The following SPDL1 variants were observed in gnomAD, a reference collection of about 807,000 sequenced individuals.
SPDL1 encodes protein Spindly.
Under a neutral mutation model 79.5 loss-of-function variants are expected in SPDL1, and 85 were observed. The observed-to-expected ratio is 1.07, with a 90% CI of 0.90 to 1.28. The LOEUF is 1.28. Ranked by LOEUF, SPDL1 falls within the 50% of genes most tolerant of loss-of-function variation. The probability of loss-of-function intolerance (pLI) is 0.00; values close to 1 mark genes in which losing one functional copy is unlikely to be tolerated. For synonymous variants in SPDL1, 269 were observed against 240.3 expected (o/e 1.12, Z -1.10); for missense variants, 703 against 697.8 (o/e 1.01, Z -0.08).
At chr5:169,598,612 A>G in intron 9 of SPDL1, 33 bp downstream of exon 9, 1 of 1,501,424 alleles carries the variant, frequency 6.7e-7, no homozygotes, top group Non-Finnish European at 9.3e-7. Context: ...GGAAAGATGA[A>G]CATGTCACTT....
At chr5:169,598,672 A>G in intron 9 of SPDL1, 93 bp downstream of exon 9, 1 of 1,168,772 alleles carries the variant, frequency 8.6e-7, no homozygotes, top group Non-Finnish European at 1.3e-6. Flanking sequence ...AAATTGCCAA[A>G]GGAAATTTTC....
rs547519675 is a variant in SPDL1, at chr5:169,585,800, T to C, written c.-24+1911T>C. ...TTAAAGACCTTGCTTCCTAATTCAT[T>C]GATAAATTGAAGCAGTTAAAAGGTT... is the stretch of plus-strand genomic sequence containing the variant. On this transcript the variant is annotated intron_variant, in intron 1 of 11. Coordinates refer to ENST00000265295, the MANE Select transcript of SPDL1 (RefSeq NM_017785.5). 1.1e-4 allele frequency among the ~76,000 whole-genome samples: 17 copies of C among 152,378 alleles called. No homozygotes were observed. In the East Asian group the frequency reaches 3.1e-3, roughly 28 times the overall value.
chr5:169,603,843 A>T (rs1012850910), intron 11 of SPDL1, among the ~76,000 whole-genome samples: 6 of 152,146 alleles, frequency 3.9e-5, no homozygotes, highest in African/African-American at 1.4e-4. Context: ...ACAGAGTGAG[A>T]CTCTGTCTCA....
At position 169,601,323 on chromosome 5, in the gene SPDL1, C is replaced by A; in HGVS notation, c.1368C>A (p.Leu456=). 6.2e-7 allele frequency: 1 copy of A among 1,613,534 alleles called. No individual in the cohort carries two copies. Among genetic ancestry groups the A allele is most frequent in the Non-Finnish European group, 8.5e-7 (1 of 1,179,942 alleles). Residue 456 remains leucine (L), a synonymous_variant, in exon 11 of 12, where the codon CTC becomes CTA. Transcript: ENST00000265295. The part of the protein sequence containing the change: ...VPVLKKRREV[L]PVDITTAKDA... The stretch of plus-strand genomic sequence containing the variant: ...TACTGAAAAAGAGGCGTGAGGTGCT[C>A]CCTGTGGATATAACCACCGCTAAAG...
Position 169,598,692 on chromosome 5 carries a change from A to G in SPDL1, c.1136+113A>G, listed in dbSNP as rs1461757307. On this transcript the variant is annotated intron_variant, in intron 9 of 11. Transcript: ENST00000265295. ...GCCAAAGGAAATTTTCCGAAAAGAAAGGTAACAAAAATATCTTTGTGCAGA... is the reference window on the plus strand; with the variant it reads ...GCCAAAGGAAATTTTCCGAAAAGAAGGGTAACAAAAATATCTTTGTGCAGA... 1.6e-5 allele frequency: 17 copies of G among 1,042,502 alleles called. No individual in the cohort carries two copies. In the East Asian group the frequency reaches 3.8e-4, roughly 23 times the overall value. The allele number at this position is 1,042,502 out of a possible 1,614,324, so 64.6% of individuals were successfully genotyped here.
intron 1 of SPDL1, among the ~76,000 whole-genome samples, chr5:169,584,834 A>T (rs1011485445): frequency 6.6e-6 from 1 of 152,114 alleles, no homozygotes; most frequent in African/African-American, 2.4e-5. Flanking sequence ...GAAGTTGTTG[A>T]GAAGATTGAA....
At chr5:169,599,229 T>TA in intron 10 of SPDL1, 70 bp downstream of exon 10, 1 of 1,132,942 alleles carries the variant, frequency 8.8e-7, no homozygotes, top group Non-Finnish European at 1.2e-6. Context: ...ATTATTTTCT[T>TA]ACTGTAGTTT....
intron 5 of SPDL1, 37 bp downstream of exon 5, chr5:169,594,331 A>G (rs751711509): frequency 5.0e-5 from 81 of 1,612,550 alleles, no homozygotes; most frequent in Non-Finnish European, 6.5e-5. Context: ...TTTCCAATTT[A>G]TCATAACTTA....
intron 10 of SPDL1, among the ~76,000 whole-genome samples, chr5:169,600,039 TTACTG>T (rs1755801508): frequency 6.6e-6 from 1 of 152,166 alleles, no homozygotes. Flanking sequence ...AGAGTGAAGT[TTACTG>T]TATGTAAATT....
chr5:169,586,619 C>G (rs1393899772), intron 1 of SPDL1, among the ~76,000 whole-genome samples: 1 of 152,210 alleles, frequency 6.6e-6, no homozygotes, highest in Non-Finnish European at 1.5e-5. Flanking sequence ...GATGGCAATT[C>G]CATTTTACTA....
rs767634018 is a variant in SPDL1 at position 169,601,291 on chromosome 5, G to A, written c.1336G>A (p.Val446Met). The A allele has an allele frequency of 6.8e-6, 11 of 1,606,406 alleles. No homozygotes were observed. Among genetic ancestry groups the A allele is most frequent in the Admixed American group, 1.7e-5 (1 of 57,914 alleles). The change falls in exon 11 of 12, where the codon GTG (valine) becomes ATG (methionine). Residue 446 changes from valine to methionine, a missense_variant. By Grantham distance (21) the Val-to-Met change is conservative. Transcript: ENST00000265295. Reference sequence around the variant, plus strand: ...GTTTTTATTCTCAGAGACAGTTGAAGTGCCTGTACTGAAAAAGAGGCGTGA... The same window carrying A: ...GTTTTTATTCTCAGAGACAGTTGAAATGCCTGTACTGAAAAAGAGGCGTGA... ...LKYEPEETVE[V>M]PVLKKRREVL...
intron 7 of SPDL1, chr5:169,595,684 C>G (rs1051926195): frequency 6.6e-6 from 1 of 152,120 alleles, no homozygotes; most frequent in Non-Finnish European, 1.5e-5. Context: ...AATTTTCTCA[C>G]GTTTACTTTA....
At chr5:169,584,966 C>T (rs182638408) in intron 1 of SPDL1, among the ~76,000 whole-genome samples, 5 of 151,248 alleles carry the variant, frequency 3.3e-5, no homozygotes, top group South Asian at 4.2e-4. Flanking sequence ...GCCGAGATTG[C>T]GCCACTGCAG....
In SPDL1 at chr5:169,604,326, G is replaced by C. The variant is rs1756081422; in HGVS notation, c.*119G>C. On this transcript the variant is annotated 3_prime_UTR_variant, in exon 12 of 12. Transcript: ENST00000265295. Reference sequence around the variant, plus strand: ...TTATTTACTCATTGTGCCAGGACCTGGCATTTTCATGTGCCTTTGACCAAG... The same window carrying C: ...TTATTTACTCATTGTGCCAGGACCTCGCATTTTCATGTGCCTTTGACCAAG... 1 of 1,070,968 alleles carries C rather than the reference G, an allele frequency of 9.3e-7. No individual in the cohort carries two copies. Among genetic ancestry groups the C allele is most frequent in the South Asian group, 2.6e-5 (1 of 38,818 alleles). 66.3% of individuals were successfully genotyped at this position (1,070,968 alleles called of 1,614,324 possible). A position where few individuals can be genotyped will look rare whatever the true frequency, so the allele number is the denominator to read the frequency against.
At chr5:169,591,003 T>C in intron 2 of SPDL1, 45 bp from the exon 3 acceptor site, 1 of 1,500,756 alleles carries the variant, frequency 6.7e-7, no homozygotes, top group Non-Finnish European at 9.2e-7. Context: ...GTAATGGCTT[T>C]AGGCTATTTT....
chr5:169,588,708 C>A, intron 2 of SPDL1, 133 bp downstream of exon 2: 1 of 703,426 alleles, frequency 1.4e-6, no homozygotes, highest in Non-Finnish European at 2.2e-6. Flanking sequence ...TGCCCCGTCC[C>A]TGTTAAAAAA....
chr5:169,599,803 G>A lies in SPDL1; in HGVS notation c.1324+644G>A, dbSNP rs147529776. Among the ~76,000 whole-genome samples, 80 of 152,316 alleles carry A rather than the reference G, an allele frequency of 5.3e-4. 3 individuals are homozygous for A. In the East Asian group the frequency reaches 0.014, roughly 27 times the overall value. On this transcript the variant is annotated intron_variant, in intron 10 of 11. Coordinates refer to ENST00000265295, the MANE Select transcript of SPDL1 (RefSeq NM_017785.5). The stretch of plus-strand genomic sequence containing the variant: ...ATTAAGGAAGAACAGTGAGCCAGGC[G>A]TGGTGGCTCGTGCCTGTAATCCCAG...
intron 4 of SPDL1, 22 bp from the exon 5 acceptor site, chr5:169,594,123 C>CT: frequency 6.3e-7 from 1 of 1,575,514 alleles, no homozygotes; most frequent in South Asian, 1.2e-5. Flanking sequence ...GAATTTCCTC[C>CT]TTTTCAATTC....
chr5:169,594,141 A>G lies in SPDL1; in HGVS notation c.532-4A>G, dbSNP rs754711198. 1 of 1,598,046 alleles carries G rather than the reference A, an allele frequency of 6.3e-7. No homozygotes were observed. Among genetic ancestry groups the G allele is most frequent in the Non-Finnish European group, 8.5e-7 (1 of 1,175,606 alleles). The stretch of plus-strand genomic sequence containing the variant: ...TTTCCTCCTTTTCAATTCCTGTTAA[A>G]TAGACCACCCTCAAAGAAGAAGTGA... On this transcript the variant is annotated splice_region_variant and splice_polypyrimidine_tract_variant and intron_variant, in intron 4 of 11. Transcript: ENST00000265295.
Sources: gnomAD v4.1 joint callset for allele counts (sites outside exome capture counted in the v4.1 genomes callset) on GRCh38, gnomAD v4.1.1 for gene constraint, MANE v1.5 for transcripts, NCBI Gene and HGNC (gene_info 2026-07-23, HGNC 2026-07-21) for gene names.